The following DACT3 variants were observed in gnomAD, a reference collection of about 807,000 sequenced individuals.
DACT3 encodes the protein dishevelled binding antagonist of beta catenin 3, also known as dapper homolog 3.
DACT3 carries 5 observed loss-of-function variants against 19.6 expected under a neutral mutation model. That is an observed-to-expected ratio of 0.26 (90% CI 0.13 to 0.54). The LOEUF (loss-of-function observed/expected upper bound fraction) is 0.54, where lower values mean the gene tolerates loss of function less well. Among genes scored for constraint, DACT3 ranks in the 20% least tolerant of loss-of-function variants. DACT3 has a pLI of 0.95. For synonymous variants in DACT3, 454 were observed against 428.1 expected, an observed-to-expected ratio of 1.06 and a Z score of -0.75; for missense variants, 908 against 927.4, an observed-to-expected ratio of 0.98 and a Z score of 0.27.
At chr19:46,657,418 A>G (rs866454561) in intron 1 of DACT3, among the ~76,000 whole-genome samples, 10 of 140,224 alleles carry the variant, frequency 7.1e-5, no homozygotes, top group Admixed American at 4.7e-4. Context: ...CAGTGGCACA[A>G]TCTCGGCTCA....
chr19:46,655,862 G>A (rs186218866), intron 1 of DACT3, among the ~76,000 whole-genome samples: 42 of 150,768 alleles, frequency 2.8e-4, no homozygotes, highest in African/African-American at 8.3e-4. Context: ...GCTGGAGGCC[G>A]AGAGTTCAAG....
chr19:46,648,955 A>G lies in DACT3; in HGVS notation c.1417T>C (p.Cys473Arg), dbSNP rs775908766. 3.0e-6 allele frequency: 4 copies of G among 1,317,830 alleles called. No homozygotes were observed. In the South Asian group the frequency reaches 8.2e-5, roughly 27 times the overall value. The allele number at this position is 1,317,830 out of a possible 1,614,324, so 81.6% of individuals were successfully genotyped here. Reference sequence around the variant, plus strand: ...TCCGCAGTGGAGCGCCAGCGACGGCAGGACCCTGCGGCCTGGGCCGCCAGC... The same window carrying G: ...TCCGCAGTGGAGCGCCAGCGACGGCGGGACCCTGCGGCCTGGGCCGCCAGC... Reference protein sequence around the residue: ...PTLAAQAAGSCRRWRSTAEID... With the variant: ...PTLAAQAAGSRRRWRSTAEID... Residue 473 changes from cysteine (C) to arginine (R), a missense_variant, in exon 4 of 4, where the codon TGC becomes CGC. Physicochemically the swap from Cys to Arg is radical, Grantham distance 180 (BLOSUM62 -3). Transcript: ENST00000391916. The surrounding 1 kb of genome is among the most constrained non-coding windows in gnomAD (Gnocchi z 5.1).
In DACT3 at chr19:46,649,721, C is replaced by T. The variant is rs1448878180; in HGVS notation, c.651G>A (p.Thr217=). 6 of 1,235,808 alleles carry T rather than the reference C, an allele frequency of 4.9e-6. No homozygotes were observed. Among genetic ancestry groups the T allele is most frequent in the Non-Finnish European group, 6.1e-6 (6 of 989,694 alleles). The allele number at this position is 1,235,808 out of a possible 1,614,324, so 76.6% of individuals were successfully genotyped here. ...TCGCCACGGCGTGCAGGGGGCTGGGCGTCAGAAAGGGCCCGGCGCGGGCCC... is the reference window on the plus strand; with the variant it reads ...TCGCCACGGCGTGCAGGGGGCTGGGTGTCAGAAAGGGCCCGGCGCGGGCCC... ...ERRARAGPFL[T]PSPLHAVAMR... is the part of the protein sequence containing the mutation. The change falls in exon 4 of 4, where the codon ACG becomes ACA. Residue 217 remains threonine (T), a synonymous_variant. Coordinates refer to ENST00000391916, the MANE Select transcript of DACT3 (RefSeq NM_145056.3).
chr19:46,649,338 G>A lies in DACT3; in HGVS notation c.1034C>T (p.Pro345Leu). Residue 345 changes from proline to leucine, a missense_variant, in exon 4 of 4, where the codon CCC (proline) becomes CTC (leucine). Transcript: ENST00000391916. ...EPAAPPAAPS[P>L]PDSPAEGRLV... Reference sequence around the variant, plus strand: ...GCGGCCCTCAGCCGGGCTGTCGGGGGGTGAGGGGGCGGCGGGCGGCGCAGC... The same window carrying A: ...GCGGCCCTCAGCCGGGCTGTCGGGGAGTGAGGGGGCGGCGGGCGGCGCAGC... 8.0e-7 allele frequency: 1 copy of A among 1,243,854 alleles called. No homozygotes were observed. 77.1% of individuals were successfully genotyped at this position (1,243,854 alleles called of 1,614,324 possible). A position where few individuals can be genotyped will look rare whatever the true frequency, so the allele number is the denominator to read the frequency against.
intron 2 of DACT3, 64 bp from the exon 3 acceptor site, chr19:46,652,876 AAGG>A (rs1479818496): frequency 2.6e-6 from 4 of 1,540,200 alleles, no homozygotes; most frequent in South Asian, 1.2e-5. Context: ...GAGCTGGGGA[AAGG>A]AGGAGATGGC....
chr19:46,655,202 G>T, intron 1 of DACT3: 1 of 292,692 alleles, frequency 3.4e-6, no homozygotes, highest in Non-Finnish European at 5.1e-6. Flanking sequence ...GCTTCATTCA[G>T]ATCTTTGGTG....
intron 1 of DACT3, 121 bp from the exon 2 acceptor site, chr19:46,653,196 TA>T: frequency 7.1e-7 from 1 of 1,405,328 alleles, no homozygotes; most frequent in East Asian, 2.5e-5. Flanking sequence ...CTTCAAAGGA[TA>T]AAAGCAGTAC....
At chr19:46,658,844 C>T (rs2053051735) in intron 1 of DACT3, among the ~76,000 whole-genome samples, 1 of 152,158 alleles carries the variant, frequency 6.6e-6, no homozygotes, top group Admixed American at 6.6e-5. Context: ...GCAAGTCTAA[C>T]TTAAGTTATT....
chr19:46,649,688 G>A lies in DACT3; in HGVS notation c.684C>T (p.Ser228=). 8.4e-7 allele frequency: 1 copy of A among 1,189,094 alleles called. No homozygotes were observed. The highest frequency in any genetic ancestry group is 1.0e-6 in the Non-Finnish European group (1 of 961,418). The allele number at this position is 1,189,094 out of a possible 1,614,324, so 73.7% of individuals were successfully genotyped here. The part of the protein sequence containing the change: ...PSPLHAVAMR[S]PRPCGRPPTD... The stretch of plus-strand genomic sequence containing the variant: ...TGGGAGGGCGGCCGCAGGGCCGCGG[G>A]CTGCGCATCGCCACGGCGTGCAGGG... The change falls in exon 4 of 4, where the codon AGC becomes AGT. Residue 228 remains serine, a synonymous_variant. Transcript: ENST00000391916.
intron 1 of DACT3, among the ~76,000 whole-genome samples, chr19:46,653,570 T>TATTTATTTATTTA (rs60341049): frequency 6.6e-6 from 1 of 151,774 alleles, no homozygotes; most frequent in Non-Finnish European, 1.5e-5. Context: ...TTTATTTATT[T>TATTTATTTATTTA]TGAGATAGGG....
intron 1 of DACT3, 102 bp from the exon 2 acceptor site, chr19:46,653,177 A>G: frequency 2.7e-6 from 4 of 1,484,834 alleles, no homozygotes; most frequent in Non-Finnish European, 3.6e-6. Flanking sequence ...TTTGACAATG[A>G]GGCTCTCGCT....
chr19:46,650,823 C>T (rs1475496425), intron 3 of DACT3: 2 of 152,060 alleles, frequency 1.3e-5, no homozygotes, highest in Admixed American at 6.6e-5. Flanking sequence ...ATTCCAGATG[C>T]CCGGAATGCT....
Position 46,661,102 on chromosome 19 carries a change from G to T in DACT3, c.-38C>A. The T allele has an allele frequency of 7.2e-7, 1 of 1,386,516 alleles. No individual in the cohort carries two copies. The highest frequency in any genetic ancestry group is 9.3e-7 in the Non-Finnish European group (1 of 1,078,576). 85.9% of individuals were successfully genotyped at this position (1,386,516 alleles called of 1,614,324 possible). On this transcript the variant is annotated 5_prime_UTR_variant, in exon 1 of 4. Coordinates refer to ENST00000391916, the MANE Select transcript of DACT3 (RefSeq NM_145056.3). ...CCGCCCCAGCCCGGCCGGGCCCCGC[G>T]GCCACCCCTCTCCCGGTCCCACCTC...
Position 46,649,249 on chromosome 19 carries a change from C to A in DACT3, c.1123G>T (p.Ala375Ser). The A allele has an allele frequency of 8.4e-7, 1 of 1,197,582 alleles. No homozygotes were observed. The highest frequency in any genetic ancestry group is 1.0e-6 in the Non-Finnish European group (1 of 968,502). The allele number at this position is 1,197,582 out of a possible 1,614,324, so 74.2% of individuals were successfully genotyped here. The change falls in exon 4 of 4, where the codon GCC (alanine) becomes TCC (serine). Residue 375 changes from alanine (A) to serine (S), a missense_variant. Physicochemically the swap from Ala to Ser is moderately conservative, Grantham distance 99. Coordinates refer to ENST00000391916, the MANE Select transcript of DACT3 (RefSeq NM_145056.3). ...GTCAGTGGCGGCGGTTTGCGGCGGG[C>A]GGCGCGGCCAGGGAGGCCTCGGGTG... ...AATRGLPGRA[A>S]RRKPPPLTRG...
Position 46,648,185 on chromosome 19 carries a change from T to TGCATACATGGACACTTACTGTACAGATGA in DACT3, c.*268_*296dup. The TGCATACATGGACACTTACTGTACAGATGA allele has an allele frequency of 2.6e-6, 1 of 378,190 alleles. No individual in the cohort carries two copies. Among genetic ancestry groups the TGCATACATGGACACTTACTGTACAGATGA allele is most frequent in the Non-Finnish European group, 4.8e-6 (1 of 209,114 alleles). The allele number at this position is 378,190 out of a possible 1,614,324, so 23.4% of individuals were successfully genotyped here. ...GAAATTCAAACCGAATTACCCCTTTTGCATACATGGACACTTACTGTACAG... is the reference window on the plus strand; with the variant it reads ...GAAATTCAAACCGAATTACCCCTTTTGCATACATGGACACTTACTGTACAGATGAGCATACATGGACACTTACTGTACAG... On this transcript the variant is annotated 3_prime_UTR_variant, in exon 4 of 4. Coordinates refer to ENST00000391916, the MANE Select transcript of DACT3 (RefSeq NM_145056.3). This position sits in a 1 kb window ranked among gnomAD's most constrained non-coding sequence, Gnocchi z 5.1.
chr19:46,653,788 A>G (rs1364693239), intron 1 of DACT3, among the ~76,000 whole-genome samples: 2 of 152,048 alleles, frequency 1.3e-5, no homozygotes, highest in Admixed American at 6.6e-5. Context: ...TCCTGACCTC[A>G]GGTGATCCAC....
rs10600060 is a variant in DACT3, at chr19:46,651,644, TTGTGTGTGTG to T, written c.499+1006_499+1015del. 480 of 134,720 alleles carry T rather than the reference TTGTGTGTGTG, an allele frequency of 3.6e-3. 5 individuals are homozygous for T. Among genetic ancestry groups the T allele is most frequent in the East Asian group, 9.2e-3 (41 of 4,452 alleles). The allele number at this position is 134,720 out of a possible 1,614,324, so 8.3% of individuals were successfully genotyped here. On this transcript the variant is annotated intron_variant, in intron 3 of 3. Transcript: ENST00000391916. Reference sequence around the variant, plus strand: ...AATATCCCCTTAGGGCAGGCACTGTTTGTGTGTGTGTGTGTGTGTGTGTGTGTGTGTGTGT... The same window carrying T: ...AATATCCCCTTAGGGCAGGCACTGTTTGTGTGTGTGTGTGTGTGTGTGTGT...
intron 1 of DACT3, among the ~76,000 whole-genome samples, chr19:46,656,956 C>T (rs1258054986): frequency 1.3e-5 from 2 of 152,182 alleles, no homozygotes; most frequent in South Asian, 2.1e-4. Flanking sequence ...GGAGGCCACA[C>T]TTTGACTGGC....
chr19:46,653,539 T>TTTTATTTATTTA (rs113003822), intron 1 of DACT3, among the ~76,000 whole-genome samples: 12,432 of 141,058 alleles, frequency 0.088, 1,258 homozygotes, highest in African/African-American at 0.24. Flanking sequence ...CTTTTTTTAT[T>TTTTATTTATTTA]TTTATTTATT....
Sources: gnomAD v4.1 joint callset for allele counts (sites outside exome capture counted in the v4.1 genomes callset) on GRCh38, gnomAD v4.1.1 for gene constraint, Gnocchi (gnomAD v3.1) non-coding constraint, MANE v1.5 for transcripts, NCBI Gene and HGNC (gene_info 2026-07-23, HGNC 2026-07-21) for gene names.